The following GNPTAB variants were observed in gnomAD, a reference collection of about 807,000 sequenced individuals.
GNPTAB encodes the protein N-acetylglucosamine-1-phosphate transferase subunits alpha and beta, also known as N-acetylglucosamine-1-phosphotransferase subunits alpha/beta.
A neutral mutation model predicts 136.6 loss-of-function variants in GNPTAB; 92 were observed. The ratio of observed to expected loss-of-function variants is 0.67; its 90% CI spans 0.57 to 0.80. The LOEUF (loss-of-function observed/expected upper bound fraction) is 0.80, where lower values mean the gene tolerates loss of function less well. Among genes scored for constraint, GNPTAB ranks in the 30% least tolerant of loss-of-function variants. GNPTAB has a pLI of 0.00. For synonymous variants in GNPTAB, 512 were observed against 535.1 expected (o/e 0.96, Z 0.60); for missense variants, 1,343 against 1,501.8 (o/e 0.89, Z 1.75).
chr12:101,748,973 A>T, intron 20 of GNPTAB, 128 bp downstream of exon 20: 1 of 669,392 alleles, frequency 1.5e-6, no homozygotes, highest in Non-Finnish European at 2.7e-6. Flanking sequence ...ACATATTCAC[A>T]TATGAGCTAT....
chr12:101,748,740 C>T (rs775443662), intron 20 of GNPTAB, among the ~76,000 whole-genome samples: 5 of 152,028 alleles, frequency 3.3e-5, no homozygotes, highest in African/African-American at 4.8e-5. Context: ...CTCAAGGAAG[C>T]GTGAAAGAGA....
In GNPTAB at chr12:101,765,353, CCT is replaced by C. The variant is rs145925978; in HGVS notation, c.1613-51_1613-50del. ...ATTTTTTTTTTAACTGGGCATTTTTCCTCTGTTTTCCTTTAATTCTTTGAGTC... is the reference window on the plus strand; with the variant it reads ...ATTTTTTTTTTAACTGGGCATTTTTCCTGTTTTCCTTTAATTCTTTGAGTC... On this transcript the variant is annotated intron_variant, in intron 12 of 20. Coordinates refer to ENST00000299314, the MANE Select transcript of GNPTAB (RefSeq NM_024312.5). 2.5e-3 allele frequency: 3,018 copies of C among 1,194,510 alleles called. 52 individuals carry two copies. In the African/African-American group the frequency reaches 0.036, roughly 14 times the overall value. The allele number at this position is 1,194,510 out of a possible 1,614,324, so 74.0% of individuals were successfully genotyped here.
At chr12:101,791,344 C>T (rs1013310481) in intron 2 of GNPTAB, among the ~76,000 whole-genome samples, 9 of 152,064 alleles carry the variant, frequency 5.9e-5, no homozygotes, top group Admixed American at 3.3e-4. Context: ...CATCTGGGTA[C>T]TGATACTACT....
chr12:101,798,637 A>G (rs893418116), intron 1 of GNPTAB, among the ~76,000 whole-genome samples: 1 of 152,250 alleles, frequency 6.6e-6, no homozygotes, highest in Non-Finnish European at 1.5e-5. Context: ...AAATGCAGCA[A>G]TAAATCATAA....
intron 7 of GNPTAB, among the ~76,000 whole-genome samples, chr12:101,774,386 A>G (rs1275298456): frequency 6.6e-6 from 1 of 152,218 alleles, no homozygotes; most frequent in African/African-American, 2.4e-5. Flanking sequence ...GTCAATGGAG[A>G]CCAATTTCAA....
At chr12:101,811,349 C>T (rs1328969696) in intron 1 of GNPTAB, among the ~76,000 whole-genome samples, 3 of 151,682 alleles carry the variant, frequency 2.0e-5, no homozygotes, top group African/African-American at 7.3e-5. Flanking sequence ...ACTCAAATTA[C>T]AGAAACTGAC....
At position 101,763,453 on chromosome 12, in the gene GNPTAB, T is replaced by TC. The variant is rs554794311; in HGVS notation, c.2715+748_2715+749insG. Among the ~76,000 whole-genome samples the TC allele has an allele frequency of 2.0e-3, 303 of 152,272 alleles. 5 individuals carry two copies. Among genetic ancestry groups the TC allele is most frequent in the East Asian group, 0.01 (53 of 5,180 alleles). ...ACTATTCAGCCCAGACTGTATGATTTTTTTTTTTGGTCTGTCAACTCCCAC... is the reference window on the plus strand; with the variant it reads ...ACTATTCAGCCCAGACTGTATGATTTCTTTTTTTTGGTCTGTCAACTCCCAC... On this transcript the variant is annotated intron_variant, in intron 13 of 20. Coordinates refer to ENST00000299314, the MANE Select transcript of GNPTAB (RefSeq NM_024312.5).
intron 7 of GNPTAB, among the ~76,000 whole-genome samples, chr12:101,774,722 A>G (rs1054811133): frequency 3.9e-5 from 6 of 152,264 alleles, no homozygotes; most frequent in East Asian, 1.9e-4. Flanking sequence ...ATTGCTTATT[A>G]TAAGTGAGAA....
intron 1 of GNPTAB, among the ~76,000 whole-genome samples, chr12:101,811,711 T>A (rs1202640061): frequency 6.6e-6 from 1 of 150,406 alleles, no homozygotes; most frequent in African/African-American, 2.4e-5. Context: ...AGATCTCAGC[T>A]CACTGCAACC....
chr12:101,807,016 G>A (rs939564572), intron 1 of GNPTAB, among the ~76,000 whole-genome samples: 1 of 152,120 alleles, frequency 6.6e-6, no homozygotes, highest in African/African-American at 2.4e-5. Flanking sequence ...CATGAACACA[G>A]ATGCGAAAAC....
At position 101,830,784 on chromosome 12, in the gene GNPTAB, G is replaced by A. The variant is rs1416118191; in HGVS notation, c.-109C>T. ...GCCCCGGTCGGGCCGCCGCGCGCAGGTCACAGCCTCCGGGCGCCGCTCATT... is the reference window on the plus strand; with the variant it reads ...GCCCCGGTCGGGCCGCCGCGCGCAGATCACAGCCTCCGGGCGCCGCTCATT... On this transcript the variant is annotated 5_prime_UTR_variant, in exon 1 of 21. Transcript: ENST00000299314. 1.2e-5 allele frequency: 6 copies of A among 519,776 alleles called. No homozygotes were observed. In the Admixed American group the frequency reaches 1.7e-4, roughly 14 times the overall value. 32.2% of individuals were successfully genotyped at this position (519,776 alleles called of 1,614,324 possible). A position where few individuals can be genotyped will look rare whatever the true frequency, so the allele number is the denominator to read the frequency against.
chr12:101,761,102 AG>A (rs1156542408), intron 15 of GNPTAB, 24 bp downstream of exon 15: 20 of 1,530,776 alleles, frequency 1.3e-5, no homozygotes, highest in Non-Finnish European at 1.8e-5. Context: ...AACATCAAAA[AG>A]TTTAGAATAA....
chr12:101,759,962 A>T, intron 16 of GNPTAB, 68 bp downstream of exon 16: 1 of 936,896 alleles, frequency 1.1e-6, no homozygotes, highest in Non-Finnish European at 1.8e-6. Flanking sequence ...GCTATACAGA[A>T]ATGCTGTAAG....
At position 101,780,583 on chromosome 12, in the gene GNPTAB, T is replaced by C; in HGVS notation, c.610A>G (p.Arg204Gly). ...AAGTAGCCCCTCCATACTGTCTGTC[T>C]GCTATTTCCTTTAAGCAGTCCAGAG... ...AHSGLLKGNS[R>G]QTVWRGYLTT... is the part of the protein sequence containing the mutation. The change falls in exon 6 of 21, where the codon AGA (arginine) becomes GGA (glycine). Residue 204 changes from arginine (R) to glycine (G), a missense_variant. Arg to Gly is a moderately radical substitution (Grantham distance 125). Transcript: ENST00000299314. 6.2e-7 allele frequency: 1 copy of C among 1,611,590 alleles called. No individual in the cohort carries two copies. Among genetic ancestry groups the C allele is most frequent in the Non-Finnish European group, 8.5e-7 (1 of 1,177,980 alleles).
chr12:101,748,088 C>G (rs1952763528), intron 20 of GNPTAB, among the ~76,000 whole-genome samples: 1 of 152,174 alleles, frequency 6.6e-6, no homozygotes, highest in African/African-American at 2.4e-5. Context: ...GCAGGTACAG[C>G]CTTTCTGAGA....
At chr12:101,825,870 C>G (rs916809687) in intron 1 of GNPTAB, among the ~76,000 whole-genome samples, 1 of 152,170 alleles carries the variant, frequency 6.6e-6, no homozygotes, top group Non-Finnish European at 1.5e-5. Flanking sequence ...TACTCCCAAC[C>G]CACAAGGCAG....
At chr12:101,824,477 TTTTG>T (rs1870990088) in intron 1 of GNPTAB, among the ~76,000 whole-genome samples, 1 of 141,804 alleles carries the variant, frequency 7.1e-6, no homozygotes, top group Admixed American at 7.0e-5. Context: ...TTTTGTTTTG[TTTTG>T]TTTGAGACAG....
intron 11 of GNPTAB, among the ~76,000 whole-genome samples, chr12:101,766,670 A>T (rs1400451322): frequency 6.6e-6 from 1 of 152,156 alleles, no homozygotes; most frequent in East Asian, 1.9e-4. Context: ...ACAGTTCCTT[A>T]TTTCATATTG....
intron 7 of GNPTAB, among the ~76,000 whole-genome samples, chr12:101,775,245 T>C (rs995543403): frequency 9.2e-5 from 14 of 152,246 alleles, no homozygotes; most frequent in African/African-American, 3.4e-4. Flanking sequence ...TTGGATTCAT[T>C]TGATTTAAAA....
Sources: allele counts gnomAD v4.1 joint callset (sites outside exome capture counted in the v4.1 genomes callset), GRCh38; gene constraint gnomAD v4.1.1; transcripts MANE v1.5; gene names NCBI Gene and HGNC (gene_info 2026-07-23, HGNC 2026-07-21).